Variants in SSU72 observed in about 807,000 individuals in gnomAD.
SSU72 encodes RNA polymerase II subunit A C-terminal domain phosphatase SSU72.
SSU72 carries 12 observed loss-of-function variants against 22.7 expected under a neutral mutation model. The ratio of observed to expected loss-of-function variants is 0.53; its 90% confidence interval spans 0.34 to 0.86. SSU72 has a LOEUF of 0.86. SSU72 is among the 40% of genes least tolerant of loss of function. SSU72 has a pLI of 0.02. For missense variants in SSU72, 151 were observed against 249.8 expected, an observed-to-expected ratio of 0.60 and a Z score of 2.67; for synonymous variants, 116 against 98.3, an observed-to-expected ratio of 1.18 and a Z score of -1.06.
At position 1,542,867 on chromosome 1, in the gene SSU72, C is replaced by A. The variant is rs189761627; in HGVS notation, c.484-700G>T. 6.6e-6 allele frequency among the ~76,000 whole-genome samples: 1 copy of A among 152,180 alleles called. No individual in the cohort carries two copies. Among genetic ancestry groups the A allele is most frequent in the African/African-American group, 2.4e-5 (1 of 41,436 alleles). On this transcript the variant is annotated intron_variant, in intron 4 of 4. Coordinates refer to ENST00000291386, the MANE Select transcript of SSU72 (RefSeq NM_014188.3). This position sits in a 1 kb window ranked among gnomAD's most constrained non-coding sequence, Gnocchi z 4.4. ...TGGCGCTTCAGCAGCCACACTGGACCGTGAGGCACGTGGGGACCAGAAGCC... is the reference window on the plus strand; with the variant it reads ...TGGCGCTTCAGCAGCCACACTGGACAGTGAGGCACGTGGGGACCAGAAGCC...
chr1:1,553,692 A>T lies in SSU72; in HGVS notation c.225-8690T>A, dbSNP rs3930748. ...TGTAGTCCCAGCTACTCGGGAGGCC[A>T]AGGCAGGAGAATGGTGTGAACCCGG... On this transcript the variant is annotated intron_variant, in intron 2 of 4. Coordinates refer to ENST00000291386, the MANE Select transcript of SSU72 (RefSeq NM_014188.3). Among the ~76,000 whole-genome samples the T allele has an allele frequency of 4.0e-5, 6 of 149,850 alleles. No homozygotes were observed. In the East Asian group the frequency reaches 1.2e-3, roughly 30 times the overall value.
chr1:1,566,385 A>C (rs1187588064), intron 1 of SSU72, among the ~76,000 whole-genome samples: 1 of 152,242 alleles, frequency 6.6e-6, no homozygotes, highest in African/African-American at 2.4e-5. Flanking sequence ...ATAAATCACA[A>C]AAGGTTTGCA....
rs374395131 is a variant in SSU72, at chr1:1,564,789, T to G, written c.208A>C (p.Arg70=). Residue 70 remains arginine, a synonymous_variant, in exon 2 of 5, where the codon AGG becomes CGG. Transcript: ENST00000291386. The part of the protein sequence containing the change: ...TYDQMYNDLL[R]KDKELYTQNG... ...CTGGGATACAGTTCTTTGTCTTTCC[T>G]AAGAAGATCATTGTACATCTGGTCA... 1 of 1,614,224 alleles carries G rather than the reference T, an allele frequency of 6.2e-7. No homozygotes were observed. The highest frequency in any genetic ancestry group is 8.5e-7 in the Non-Finnish European group (1 of 1,180,048).
intron 2 of SSU72, among the ~76,000 whole-genome samples, chr1:1,548,970 G>C (rs1180661935): frequency 6.6e-6 from 1 of 152,218 alleles, no homozygotes; most frequent in Non-Finnish European, 1.5e-5. Flanking sequence ...CTGGGGATGG[G>C]AGAATAAGGC....
rs1170081623 is a variant in SSU72 at position 1,574,034 on chromosome 1, AGAAG to A, written c.80+440_80+443del. Among the ~76,000 whole-genome samples the A allele has an allele frequency of 1.0e-4, 5 of 48,092 alleles. No homozygotes were observed. In the African/African-American group the frequency reaches 2.7e-3, roughly 26 times the overall value. The allele number at this position is 48,092 out of a possible 152,430, so 31.6% of individuals were successfully genotyped here. A position where few individuals can be genotyped will look rare whatever the true frequency, so the allele number is the denominator to read the frequency against. On this transcript the variant is annotated intron_variant, in intron 1 of 4. Transcript: ENST00000291386. ...GAGGATCTTTCGCAAAAAAAAAAAA[AGAAG>A]AAGAAGTAGCAAACACACAAATCCA...
chr1:1,544,049 G>A lies in SSU72; in HGVS notation c.365-62C>T, dbSNP rs1173306768. On this transcript the variant is annotated intron_variant, in intron 3 of 4. Coordinates refer to ENST00000291386, the MANE Select transcript of SSU72 (RefSeq NM_014188.3). Reference sequence around the variant, plus strand: ...CAAAACCAGGGAACAGGCAGTCAATGTGGCTGAGTCCCCAGCTCTGCCGGC... The same window carrying A: ...CAAAACCAGGGAACAGGCAGTCAATATGGCTGAGTCCCCAGCTCTGCCGGC... 3.1e-6 allele frequency: 4 copies of A among 1,308,260 alleles called. No individual in the cohort carries two copies. In the Middle Eastern group the frequency reaches 7.4e-4, roughly 241 times the overall value. 81.0% of individuals were successfully genotyped at this position (1,308,260 alleles called of 1,614,324 possible).
At chr1:1,555,167 A>G (rs1263013270) in intron 2 of SSU72, among the ~76,000 whole-genome samples, 1 of 152,120 alleles carries the variant, frequency 6.6e-6, no homozygotes, top group African/African-American at 2.4e-5. Context: ...ACACACACAG[A>G]AGACTCCCCA....
chr1:1,544,085 G>T, intron 3 of SSU72, 98 bp from the exon 4 acceptor site: 2 of 899,498 alleles, frequency 2.2e-6, no homozygotes, highest in Non-Finnish European at 3.5e-6. Flanking sequence ...TGCAGGCCCA[G>T]CCCAGCCCCA....
At chr1:1,570,114 G>A (rs1642709606) in intron 1 of SSU72, among the ~76,000 whole-genome samples, 1 of 151,628 alleles carries the variant, frequency 6.6e-6, no homozygotes, top group Admixed American at 6.6e-5. Context: ...ATAGACAAAG[G>A]ACATAAACAG....
At chr1:1,573,420 ACT>A (rs997866013) in intron 1 of SSU72, among the ~76,000 whole-genome samples, 9 of 144,494 alleles carry the variant, frequency 6.2e-5, no homozygotes, top group East Asian at 2.0e-4. Context: ...ACAGAGCAAG[ACT>A]CTGTCTCAAA....
rs1374054053 is a variant in SSU72 at position 1,542,615 on chromosome 1, G to T, written c.484-448C>A. On this transcript the variant is annotated intron_variant, in intron 4 of 4. Transcript: ENST00000291386. The surrounding 1 kb of genome is among the most constrained non-coding windows in gnomAD (Gnocchi z 4.4). ...AGGGCCGCTGCCCCAGAGTGAGCAG[G>T]CCCGGCTCCTAGGCACACCTGCCCT... 6.6e-6 allele frequency among the ~76,000 whole-genome samples: 1 copy of T among 152,068 alleles called. No homozygotes were observed. The highest frequency in any genetic ancestry group is 6.6e-5 in the Admixed American group (1 of 15,250).
intron 2 of SSU72, among the ~76,000 whole-genome samples, chr1:1,552,986 A>C (rs1642470702): frequency 6.9e-6 from 1 of 145,414 alleles, no homozygotes; most frequent in African/African-American, 2.6e-5. Context: ...GCGCCATTGC[A>C]CTCCAGCCTG....
At chr1:1,558,193 T>C (rs1333039502) in intron 2 of SSU72, among the ~76,000 whole-genome samples, 1 of 131,038 alleles carries the variant, frequency 7.6e-6, no homozygotes, top group Non-Finnish European at 1.5e-5. Context: ...AGAGTGAGAC[T>C]CTGTCTCAAT....
intron 2 of SSU72, among the ~76,000 whole-genome samples, chr1:1,552,304 G>A (rs1344118643): frequency 6.6e-6 from 1 of 152,208 alleles, no homozygotes; most frequent in Non-Finnish European, 1.5e-5. Context: ...CACACAACTG[G>A]TACTTACACA....
chr1:1,541,737 A>G lies in SSU72; in HGVS notation c.*329T>C. Reference sequence around the variant, plus strand: ...CTAACACGCCGCAGCAGGGCTCTGTACAGTCCGGCCCGGTGGGGAGGAGGG... The same window carrying G: ...CTAACACGCCGCAGCAGGGCTCTGTGCAGTCCGGCCCGGTGGGGAGGAGGG... On this transcript the variant is annotated 3_prime_UTR_variant, in exon 5 of 5. Coordinates refer to ENST00000291386, the MANE Select transcript of SSU72 (RefSeq NM_014188.3). 2.7e-6 allele frequency: 1 copy of G among 365,034 alleles called. No homozygotes were observed. Among genetic ancestry groups the G allele is most frequent in the South Asian group, 2.3e-5 (1 of 44,250 alleles). 22.6% of individuals were successfully genotyped at this position (365,034 alleles called of 1,614,324 possible).
In SSU72 at chr1:1,554,074, A is replaced by G. The variant is rs536669601; in HGVS notation, c.225-9072T>C. 6.6e-6 allele frequency among the ~76,000 whole-genome samples: 1 copy of G among 152,348 alleles called. No individual in the cohort carries two copies. The highest frequency in any genetic ancestry group is 1.5e-5 in the Non-Finnish European group (1 of 68,038). On this transcript the variant is annotated intron_variant, in intron 2 of 4. Coordinates refer to ENST00000291386, the MANE Select transcript of SSU72 (RefSeq NM_014188.3). This position sits in a 1 kb window ranked among gnomAD's most constrained non-coding sequence, Gnocchi z 4.1. Reference sequence around the variant, plus strand: ...ACGTGTCAGTGGCCAGGGCCTCTAAAGAGAAACGAGGAGGAAGTGCAGCTC... The same window carrying G: ...ACGTGTCAGTGGCCAGGGCCTCTAAGGAGAAACGAGGAGGAAGTGCAGCTC...
intron 2 of SSU72, chr1:1,563,997 T>C (rs947325362): frequency 3.3e-5 from 5 of 152,896 alleles, no homozygotes; most frequent in Admixed American, 6.5e-5. Flanking sequence ...GGTTTAGCAT[T>C]TGACACCTAT....
chr1:1,564,022 G>C (rs1189018854), intron 2 of SSU72: 1 of 153,546 alleles, frequency 6.5e-6, no homozygotes, highest in Non-Finnish European at 1.4e-5. Context: ...TTTTCATTTG[G>C]AATACGTTTG....
At chr1:1,572,722 G>A (rs1055686477) in intron 1 of SSU72, among the ~76,000 whole-genome samples, 6 of 151,416 alleles carry the variant, frequency 4.0e-5, no homozygotes, top group African/African-American at 1.5e-4. Context: ...CTCCCAAGGT[G>A]CTAGGATTAC....
Sources: gnomAD v4.1 joint callset for allele counts (sites outside exome capture counted in the v4.1 genomes callset) on GRCh38, gnomAD v4.1.1 for gene constraint, Gnocchi (gnomAD v3.1) non-coding constraint, MANE v1.5 for transcripts, NCBI Gene and HGNC (gene_info 2026-07-23, HGNC 2026-07-21) for gene names.